The following APBB1IP variants were observed in gnomAD, a reference collection of about 807,000 sequenced individuals.
The protein encoded by APBB1IP is amyloid beta precursor protein binding family B member 1 interacting protein, also known as amyloid beta A4 precursor protein-binding family B member 1-interacting protein.
APBB1IP carries 27 observed loss-of-function variants against 64.9 expected under a neutral mutation model. That is an observed-to-expected ratio of 0.42 (90% CI 0.31 to 0.57). The LOEUF (loss-of-function observed/expected upper bound fraction) is 0.57, where lower values mean the gene tolerates loss of function less well. Among genes scored for constraint, APBB1IP ranks in the 20% least tolerant of loss-of-function variants. APBB1IP has a pLI of 0.20. For missense variants in APBB1IP, 812 were observed against 845.5 expected (o/e 0.96, Z 0.49); for synonymous variants, 392 against 331.0 (o/e 1.18, Z -2.00).
At chr10:26,557,366 C>T (rs1236258566) in intron 11 of APBB1IP, among the ~76,000 whole-genome samples, 1 of 152,182 alleles carries the variant, frequency 6.6e-6, no homozygotes, top group Non-Finnish European at 1.5e-5. Flanking sequence ...TATGCCCAAG[C>T]AAATAGGAAT....
intron 11 of APBB1IP, among the ~76,000 whole-genome samples, chr10:26,548,026 A>G (rs1836788368): frequency 6.6e-6 from 1 of 152,126 alleles, no homozygotes; most frequent in South Asian, 2.1e-4. Context: ...TTTTATGCCA[A>G]TACCACACTG....
chr10:26,549,466 C>G (rs1344696942), intron 11 of APBB1IP, among the ~76,000 whole-genome samples: 1 of 152,050 alleles, frequency 6.6e-6, no homozygotes, highest in Non-Finnish European at 1.5e-5. Flanking sequence ...TGATAAGAGA[C>G]TTTTTATTAC....
chr10:26,478,847 C>T (rs1239131496), intron 2 of APBB1IP, among the ~76,000 whole-genome samples: 1 of 151,942 alleles, frequency 6.6e-6, no homozygotes, highest in African/African-American at 2.4e-5. Context: ...CTGAATCTTA[C>T]ACAATTTTGG....
chr10:26,532,518 G>C (rs1836567199), intron 8 of APBB1IP, among the ~76,000 whole-genome samples: 1 of 152,000 alleles, frequency 6.6e-6, no homozygotes, highest in African/African-American at 2.4e-5. Flanking sequence ...GTCTCACTCT[G>C]TTGCCCAGGC....
intron 2 of APBB1IP, among the ~76,000 whole-genome samples, chr10:26,471,896 G>A (rs975809331): frequency 3.3e-5 from 5 of 152,168 alleles, no homozygotes; most frequent in Admixed American, 3.3e-4. Context: ...TGTTGGCCAA[G>A]ATGGTCTCCA....
chr10:26,539,878 G>A (rs1836676079), intron 10 of APBB1IP, among the ~76,000 whole-genome samples: 1 of 151,984 alleles, frequency 6.6e-6, no homozygotes, highest in Non-Finnish European at 1.5e-5. Context: ...TACTGATCAG[G>A]GAAATGAAAA....
chr10:26,564,412 C>G (rs1258408178), intron 14 of APBB1IP, among the ~76,000 whole-genome samples: 1 of 152,218 alleles, frequency 6.6e-6, no homozygotes, highest in Non-Finnish European at 1.5e-5. Flanking sequence ...ACATATTTAT[C>G]TCATTTGATC....
chr10:26,492,504 G>A, intron 3 of APBB1IP, 106 bp downstream of exon 3: 1 of 985,014 alleles, frequency 1.0e-6, no homozygotes, highest in Non-Finnish European at 1.6e-6. Flanking sequence ...TGATATCGGG[G>A]GAACCAGCCC....
intron 14 of APBB1IP, among the ~76,000 whole-genome samples, chr10:26,565,322 A>G (rs1470074045): frequency 6.6e-6 from 1 of 152,184 alleles, no homozygotes; most frequent in Admixed American, 6.5e-5. Context: ...TCAGACCAAG[A>G]AAAAATGTAT....
intron 14 of APBB1IP, among the ~76,000 whole-genome samples, chr10:26,564,721 T>G (rs1837017896): frequency 6.6e-6 from 1 of 152,010 alleles, no homozygotes. Context: ...GAGGATTGCT[T>G]GAGCTCGGGA....
intron 2 of APBB1IP, among the ~76,000 whole-genome samples, chr10:26,473,111 C>T (rs367543918): frequency 6.6e-6 from 1 of 152,228 alleles, no homozygotes; most frequent in East Asian, 1.9e-4. Flanking sequence ...TACTCAAGCC[C>T]TTAGTCTTGT....
At chr10:26,545,493 G>T (rs953246206) in intron 11 of APBB1IP, among the ~76,000 whole-genome samples, 1 of 152,176 alleles carries the variant, frequency 6.6e-6, no homozygotes, top group Non-Finnish European at 1.5e-5. Flanking sequence ...GGGCGCGGTG[G>T]CTCACGCCTG....
chr10:26,449,133 C>T (rs1835433469), intron 2 of APBB1IP, among the ~76,000 whole-genome samples: 1 of 152,148 alleles, frequency 6.6e-6, no homozygotes, highest in Non-Finnish European at 1.5e-5. Context: ...GGTTACGGAT[C>T]CCTGTTCTAG....
chr10:26,480,896 T>C (rs1048048505), intron 2 of APBB1IP, among the ~76,000 whole-genome samples: 1 of 152,130 alleles, frequency 6.6e-6, no homozygotes, highest in Non-Finnish European at 1.5e-5. Flanking sequence ...GGACTTTTGT[T>C]TCTAAAAAGA....
chr10:26,566,160 C>T (rs183098934), intron 14 of APBB1IP, among the ~76,000 whole-genome samples: 93 of 152,172 alleles, frequency 6.1e-4, no homozygotes, highest in Non-Finnish European at 1.2e-3. Flanking sequence ...GTGGGGTGGC[C>T]GTAATTCCAG....
chr10:26,562,277 T>C, intron 13 of APBB1IP, 49 bp from the exon 14 acceptor site: 3 of 1,368,788 alleles, frequency 2.2e-6, no homozygotes, highest in Non-Finnish European at 2.1e-6. Flanking sequence ...CTTTCAAGAA[T>C]GTTGAAAATG....
rs181763898 is a variant in APBB1IP at position 26,544,236 on chromosome 10, A to G, written c.1155+2544A>G. Reference sequence around the variant, plus strand: ...CCTAAGACCCTGATAAATTACCAAAATGGAGCATTCCAACACACTTTATTG... The same window carrying G: ...CCTAAGACCCTGATAAATTACCAAAGTGGAGCATTCCAACACACTTTATTG... On this transcript the variant is annotated intron_variant, in intron 11 of 14. Transcript: ENST00000376236. Among the ~76,000 whole-genome samples, 108 of 152,298 alleles carry G rather than the reference A, an allele frequency of 7.1e-4. 1 individual carries two copies. The East Asian group carries it at 0.018, about 25-fold the overall frequency.
intron 2 of APBB1IP, among the ~76,000 whole-genome samples, chr10:26,466,513 C>T (rs1328238080): frequency 6.6e-6 from 1 of 152,188 alleles, no homozygotes; most frequent in Non-Finnish European, 1.5e-5. Context: ...AAGAAGTTAT[C>T]CAGTTGGCTG....
intron 2 of APBB1IP, among the ~76,000 whole-genome samples, chr10:26,448,564 TGAATTCTAAAGTATTCA>T (rs749659919): frequency 1.4e-4 from 22 of 152,332 alleles, no homozygotes; most frequent in Non-Finnish European, 3.2e-4. Flanking sequence ...GGATATTAGG[TGAATTCTAAAGTATTCA>T]GAATTTTTTA....
Sources: gnomAD v4.1 joint callset for allele counts (sites outside exome capture counted in the v4.1 genomes callset) on GRCh38, gnomAD v4.1.1 for gene constraint, MANE v1.5 for transcripts, NCBI Gene and HGNC (gene_info 2026-07-23, HGNC 2026-07-21) for gene names.